LUZP2: variants seen among roughly 807,000 people sequenced by gnomAD.
The protein encoded by LUZP2 is leucine zipper protein 2.
A neutral mutation model predicts 51.6 loss-of-function variants in LUZP2; 52 were observed. The ratio of observed to expected loss-of-function variants is 1.01; its 90% CI spans 0.81 to 1.27. The LOEUF is 1.27. Ranked by LOEUF, LUZP2 falls within the 50% of genes most tolerant of loss-of-function variation. The probability of loss-of-function intolerance (pLI) is 0.00; values close to 1 mark genes in which losing one functional copy is unlikely to be tolerated. For synonymous variants in LUZP2, 154 were observed against 137.3 expected (o/e 1.12, Z -0.85); for missense variants, 436 against 395.4 (o/e 1.10, Z -0.87).
At chr11:24,886,456 T>C (rs1852669402) in intron 5 of LUZP2, among the ~76,000 whole-genome samples, 1 of 152,164 alleles carries the variant, frequency 6.6e-6, no homozygotes, top group African/African-American at 2.4e-5. Flanking sequence ...AATATACTAA[T>C]GCCATATATG....
chr11:24,637,432 C>G lies in LUZP2; in HGVS notation c.63-91737C>G, dbSNP rs1441847421. Among the ~76,000 whole-genome samples, 3 of 151,706 alleles carry G rather than the reference C, an allele frequency of 2.0e-5. 1 individual carries two copies. Among genetic ancestry groups the G allele is most frequent in the Admixed American group, 6.6e-5 (1 of 15,236 alleles). The stretch of plus-strand genomic sequence containing the variant: ...GAAATCAGTGCACCCTGAAAAAGAA[C>G]AGAATAACAGCTATTTTCAGAGAAC... On this transcript the variant is annotated intron_variant, in intron 1 of 11. Transcript: ENST00000336930.
chr11:24,882,117 T>C (rs939954668), intron 5 of LUZP2, among the ~76,000 whole-genome samples: 1 of 152,014 alleles, frequency 6.6e-6, no homozygotes, highest in Admixed American at 6.6e-5. Context: ...AAAATATTTT[T>C]ATTAATACCA....
chr11:24,847,504 A>T (rs1364844554), intron 5 of LUZP2, among the ~76,000 whole-genome samples: 2 of 152,182 alleles, frequency 1.3e-5, no homozygotes, highest in Non-Finnish European at 2.9e-5. Flanking sequence ...ACACAGAAAT[A>T]ATGCTGTGCT....
chr11:24,868,158 T>C (rs1449690115), intron 5 of LUZP2, among the ~76,000 whole-genome samples: 7 of 152,130 alleles, frequency 4.6e-5, no homozygotes. Context: ...TAAATATTGC[T>C]AAGGTGAAGA....
At chr11:25,026,415 A>C (rs1857493801) in intron 9 of LUZP2, among the ~76,000 whole-genome samples, 1 of 152,202 alleles carries the variant, frequency 6.6e-6, no homozygotes, top group Admixed American at 6.6e-5. Flanking sequence ...TATCCTCTAG[A>C]GATAAATTAT....
At chr11:24,961,874 AG>A (rs1855419780) in intron 7 of LUZP2, among the ~76,000 whole-genome samples, 2 of 149,526 alleles carry the variant, frequency 1.3e-5, no homozygotes, top group Admixed American at 1.3e-4. Flanking sequence ...ATGATTTTGC[AG>A]TGGCTGGTAC....
intron 5 of LUZP2, among the ~76,000 whole-genome samples, chr11:24,867,167 A>T (rs1219124398): frequency 6.6e-6 from 1 of 152,180 alleles, no homozygotes; most frequent in Non-Finnish European, 1.5e-5. Flanking sequence ...ACCAGAGGAA[A>T]GAGGAAGGAT....
chr11:24,900,267 G>A lies in LUZP2; in HGVS notation c.397-5724G>A, dbSNP rs189787742. ...GGTCTAAATGAGACTTTACAGGACT[G>A]TTTTGGCCTTGCTTGTAAGACAGGC... On this transcript the variant is annotated intron_variant, in intron 5 of 11. Transcript: ENST00000336930. 2.1e-3 allele frequency among the ~76,000 whole-genome samples: 323 copies of A among 152,240 alleles called. 1 individual carries two copies. The highest frequency in any genetic ancestry group is 4.0e-3 in the Non-Finnish European group (269 of 67,998).
intron 9 of LUZP2, among the ~76,000 whole-genome samples, chr11:24,985,896 A>G (rs1055211470): frequency 6.6e-6 from 1 of 151,740 alleles, no homozygotes; most frequent in Non-Finnish European, 1.5e-5. Context: ...AAATAAAATT[A>G]CCTGAAGAGA....
At chr11:25,044,389 C>A (rs1306033204) in intron 9 of LUZP2, among the ~76,000 whole-genome samples, 1 of 150,736 alleles carries the variant, frequency 6.6e-6, no homozygotes, top group African/African-American at 2.4e-5. Context: ...AGTTATCATT[C>A]TGGTGTTAAT....
intron 4 of LUZP2, 148 bp downstream of exon 4, chr11:24,738,450 T>C: frequency 1.7e-6 from 1 of 594,190 alleles, no homozygotes; most frequent in Non-Finnish European, 3.0e-6. Context: ...AACAGAATAG[T>C]ACTTGGTCAG....
At chr11:24,957,001 T>C (rs1378536004) in intron 7 of LUZP2, among the ~76,000 whole-genome samples, 6 of 152,080 alleles carry the variant, frequency 3.9e-5, no homozygotes, top group Admixed American at 3.9e-4. Context: ...AATTGTTCCT[T>C]GGGGTAGGGT....
intron 1 of LUZP2, among the ~76,000 whole-genome samples, chr11:24,728,138 CA>C (rs1858554787): frequency 6.6e-6 from 1 of 151,894 alleles, no homozygotes; most frequent in Non-Finnish European, 1.5e-5. Flanking sequence ...GCCGTTTTCC[CA>C]CAATTTTACA....
chr11:24,608,578 A>C (rs1008316149), intron 1 of LUZP2, among the ~76,000 whole-genome samples: 11 of 152,138 alleles, frequency 7.2e-5, no homozygotes, highest in African/African-American at 2.7e-4. Context: ...TAAGATTTTT[A>C]GAGTTAGGGC....
At chr11:24,562,777 G>C (rs1852090504) in intron 1 of LUZP2, among the ~76,000 whole-genome samples, 1 of 151,184 alleles carries the variant, frequency 6.6e-6, no homozygotes, top group Admixed American at 6.6e-5. Context: ...CAGGAGAATG[G>C]CATGAACCCG....
At chr11:24,798,595 G>A (rs1407937687) in intron 5 of LUZP2, among the ~76,000 whole-genome samples, 1 of 152,136 alleles carries the variant, frequency 6.6e-6, no homozygotes, top group African/African-American at 2.4e-5. Context: ...CCAAATCAGA[G>A]CACACAAGGG....
At chr11:24,999,177 C>A (rs923584730) in intron 9 of LUZP2, among the ~76,000 whole-genome samples, 4 of 152,148 alleles carry the variant, frequency 2.6e-5, no homozygotes, top group African/African-American at 9.7e-5. Flanking sequence ...TTTTCACTTT[C>A]TATAGCCTCC....
At chr11:24,526,521 C>G (rs886710445) in intron 1 of LUZP2, among the ~76,000 whole-genome samples, 4 of 150,154 alleles carry the variant, frequency 2.7e-5, no homozygotes, top group African/African-American at 9.8e-5. Flanking sequence ...TTATAATTAT[C>G]AATGTTTATT....
At chr11:24,877,645 A>T (rs907920059) in intron 5 of LUZP2, among the ~76,000 whole-genome samples, 2 of 152,054 alleles carry the variant, frequency 1.3e-5, no homozygotes, top group Admixed American at 1.3e-4. Flanking sequence ...TTTATTATTG[A>T]TTATTGTCAC....
Sources: gnomAD v4.1 joint callset for allele counts (sites outside exome capture counted in the v4.1 genomes callset) on GRCh38, gnomAD v4.1.1 for gene constraint, MANE v1.5 for transcripts, NCBI Gene and HGNC (gene_info 2026-07-23, HGNC 2026-07-21) for gene names.